The following RAP1GAP variants were observed in gnomAD, a reference collection of about 807,000 sequenced individuals.
RAP1GAP encodes the protein RAP1 GTPase activating protein, also known as rap1 GTPase-activating protein 1.
In RAP1GAP, 35 loss-of-function variants were observed where a neutral mutation model predicts 87.2. That is an observed-to-expected ratio of 0.40 (90% CI 0.31 to 0.53). The LOEUF is 0.53. Among genes scored for constraint, RAP1GAP ranks in the 20% least tolerant of loss-of-function variants. The pLI is 0.48. For missense variants in RAP1GAP, 734 were observed against 898.9 expected, an observed-to-expected ratio of 0.82 and a Z score of 2.35; for synonymous variants, 375 against 363.9, an observed-to-expected ratio of 1.03 and a Z score of -0.35.
chr1:21,648,554 AG>A (rs1193115955), intron 2 of RAP1GAP, among the ~76,000 whole-genome samples: 1 of 37,002 alleles, frequency 2.7e-5, no homozygotes, highest in East Asian at 3.5e-3. Flanking sequence ...GAGTTACATG[AG>A]ATAACACGTC....
chr1:21,617,014 C>A (rs554519708), intron 7 of RAP1GAP, among the ~76,000 whole-genome samples: 1 of 152,202 alleles, frequency 6.6e-6, no homozygotes, highest in African/African-American at 2.4e-5. Flanking sequence ...GCGATTTACC[C>A]GATGTCCTGT....
At chr1:21,608,708 C>CTCG in intron 16 of RAP1GAP, 142 bp downstream of exon 16, 1 of 826,722 alleles carries the variant, frequency 1.2e-6, no homozygotes, top group Non-Finnish European at 2.0e-6. Context: ...CGACCTCCTA[C>CTCG]TCGTCCATCA....
intron 1 of RAP1GAP, among the ~76,000 whole-genome samples, chr1:21,659,578 C>A (rs375995746): frequency 6.6e-6 from 1 of 152,194 alleles, no homozygotes; most frequent in East Asian, 1.9e-4. Flanking sequence ...TCTCTCGGTG[C>A]GCAGATCACG....
chr1:21,653,940 G>C, intron 1 of RAP1GAP, among the ~76,000 whole-genome samples: 1 of 152,188 alleles, frequency 6.6e-6, no homozygotes, highest in Non-Finnish European at 1.5e-5. Context: ...AGCCAGGCCT[G>C]GCCCCCGGGA....
intron 2 of RAP1GAP, among the ~76,000 whole-genome samples, chr1:21,635,370 C>G (rs1276222613): frequency 1.3e-5 from 2 of 152,328 alleles, no homozygotes; most frequent in Non-Finnish European, 2.9e-5. Flanking sequence ...CATCTACCCA[C>G]TCCCCCATCT....
chr1:21,635,645 G>A (rs2094558887), intron 2 of RAP1GAP, among the ~76,000 whole-genome samples: 1 of 152,234 alleles, frequency 6.6e-6, no homozygotes, highest in African/African-American at 2.4e-5. Flanking sequence ...TGGGGTTGCT[G>A]CCTCATAGGC....
At chr1:21,645,712 C>T (rs1180161419) in intron 2 of RAP1GAP, among the ~76,000 whole-genome samples, 3 of 152,164 alleles carry the variant, frequency 2.0e-5, no homozygotes, top group Non-Finnish European at 4.4e-5. Flanking sequence ...CTCCCCCATC[C>T]CATACACTGC....
Position 21,642,486 on chromosome 1 carries a change from C to T in RAP1GAP, c.-113+7275G>A, listed in dbSNP as rs1295329070. Among the ~76,000 whole-genome samples, 7 of 152,136 alleles carry T rather than the reference C, an allele frequency of 4.6e-5. No individual in the cohort carries two copies. In the East Asian group the frequency reaches 5.8e-4, roughly 13 times the overall value. ...AGAAGTCACCCAGCCAGCTGGTGGC[C>T]GAGACAGCATCTGCGGTCCCAGCCC... is the stretch of plus-strand genomic sequence containing the variant. On this transcript the variant is annotated intron_variant, in intron 2 of 24. Coordinates refer to ENST00000374765, the MANE Select transcript of RAP1GAP (RefSeq NM_002885.4).
chr1:21,615,364 T>G lies in RAP1GAP; in HGVS notation c.292-1275A>C, dbSNP rs1049456192. On this transcript the variant is annotated intron_variant, in intron 7 of 24. Transcript: ENST00000374765. The surrounding 1 kb of genome is among the most constrained non-coding windows in gnomAD (Gnocchi z 4.5). ...TGCCAGCCCTGGGGCTTCTCCCTCA[T>G]TACTGCTAATCTGATCCTGGACATG... Among the ~76,000 whole-genome samples, 2 of 152,060 alleles carry G rather than the reference T, an allele frequency of 1.3e-5. No individual in the cohort carries two copies. Among genetic ancestry groups the G allele is most frequent in the African/African-American group, 2.4e-5 (1 of 41,398 alleles).
rs529745938 is a variant in RAP1GAP, at chr1:21,665,664, G to A, written c.-149+3590C>T. Among the ~76,000 whole-genome samples the A allele has an allele frequency of 3.3e-5, 5 of 152,196 alleles. No homozygotes were observed. The South Asian group carries it at 1.0e-3, about 32-fold the overall frequency. ...GAGTCACCACCTGCCTGACAGTGCT[G>A]GTCTTTAGCCCTAAATATAGAGCAC... is the stretch of plus-strand genomic sequence containing the variant. On this transcript the variant is annotated intron_variant, in intron 1 of 24. Transcript: ENST00000374765.
rs908099520 is a variant in RAP1GAP, at chr1:21,617,293, G to A, written c.291+13C>T. On this transcript the variant is annotated intron_variant, in intron 7 of 24. Transcript: ENST00000374765. ...CACCCCAGCCAGCCCCGCTGCACCA[G>A]CCGGCCACCCACCTTGCCGAGAAAG... The A allele has an allele frequency of 7.1e-6, 11 of 1,558,394 alleles. No individual in the cohort carries two copies. Among genetic ancestry groups the A allele is most frequent in the Admixed American group, 3.9e-5 (2 of 51,506 alleles).
chr1:21,639,799 A>T (rs1287281158), intron 2 of RAP1GAP, among the ~76,000 whole-genome samples: 1 of 152,078 alleles, frequency 6.6e-6, no homozygotes, highest in Non-Finnish European at 1.5e-5. Flanking sequence ...TTTTCCTGGG[A>T]GTCGGCACCG....
At chr1:21,651,422 A>G (rs759922053) in intron 1 of RAP1GAP, 6 of 563,870 alleles carry the variant, frequency 1.1e-5, no homozygotes, top group Non-Finnish European at 2.1e-5. Context: ...GCACACACGC[A>G]TGCACACACA....
rs2094367067 is a variant in RAP1GAP, at chr1:21,634,452, G to A, written c.-112-8055C>T. Among the ~76,000 whole-genome samples the A allele has an allele frequency of 6.6e-6, 1 of 152,226 alleles. No homozygotes were observed. Among genetic ancestry groups the A allele is most frequent in the South Asian group, 2.1e-4 (1 of 4,830 alleles). On this transcript the variant is annotated intron_variant, in intron 2 of 24. Coordinates refer to ENST00000374765, the MANE Select transcript of RAP1GAP (RefSeq NM_002885.4). This position sits in a 1 kb window ranked among gnomAD's most constrained non-coding sequence, Gnocchi z 4.1. ...TCTTCACCCATTTCAGAGATAAGGAGGCAGAGGCTTAGTGAGGTTTATGAT... is the reference window on the plus strand; with the variant it reads ...TCTTCACCCATTTCAGAGATAAGGAAGCAGAGGCTTAGTGAGGTTTATGAT...
Position 21,613,113 on chromosome 1 carries a change from T to C in RAP1GAP, c.528+63A>G, listed in dbSNP as rs1391631900. ...TATCTGGCACACAGAAGGTGCTTAA[T>C]AAATGCTCAGTCTTCCAGTTACTCA... On this transcript the variant is annotated intron_variant, in intron 10 of 24. Transcript: ENST00000374765. This position sits in a 1 kb window ranked among gnomAD's most constrained non-coding sequence, Gnocchi z 4.7. The C allele has an allele frequency of 1.4e-6, 2 of 1,478,170 alleles. No homozygotes were observed. Among genetic ancestry groups the C allele is most frequent in the Non-Finnish European group, 1.9e-6 (2 of 1,056,910 alleles). The allele number at this position is 1,478,170 out of a possible 1,614,324, so 91.6% of individuals were successfully genotyped here. A position where few individuals can be genotyped will look rare whatever the true frequency, so the allele number is the denominator to read the frequency against.
intron 1 of RAP1GAP, among the ~76,000 whole-genome samples, chr1:21,653,582 TCCTTCCTTCCTC>T (rs752493512): frequency 0.026 from 3,423 of 131,756 alleles, 55 homozygotes; most frequent in Middle Eastern, 0.035. Flanking sequence ...CTTCCTTCCT[TCCTTCCTTCCTC>T]CCTCCCTCCC....
At chr1:21,623,277 C>T (rs763745730) in intron 3 of RAP1GAP, among the ~76,000 whole-genome samples, 38 of 152,200 alleles carry the variant, frequency 2.5e-4, no homozygotes, top group Admixed American at 1.4e-3. Flanking sequence ...TGAGTGAGTC[C>T]CTGCCTCCTC....
Position 21,603,739 on chromosome 1 carries a change from A to AG in RAP1GAP, c.1429-827dup. The AG allele has an allele frequency of 7.4e-7, 1 of 1,357,992 alleles. No homozygotes were observed. Among genetic ancestry groups the AG allele is most frequent in the Non-Finnish European group, 1.1e-6 (1 of 950,802 alleles). The allele number at this position is 1,357,992 out of a possible 1,614,324, so 84.1% of individuals were successfully genotyped here. ...GCCCTGGGGCCTGTCCCGGGGGCAG[A>AG]GGGGCAACGTCCCCAATATGGCCTC... On this transcript the variant is annotated intron_variant, in intron 18 of 24. Transcript: ENST00000374765. This position sits in a 1 kb window ranked among gnomAD's most constrained non-coding sequence, Gnocchi z 6.0.
intron 18 of RAP1GAP, chr1:21,604,039 A>G: frequency 1.3e-6 from 1 of 764,914 alleles, no homozygotes; most frequent in South Asian, 1.9e-5. Context: ...AGACAGAAAA[A>G]GGAAGAGAAC....
Sources: allele counts gnomAD v4.1 joint callset (sites outside exome capture counted in the v4.1 genomes callset), GRCh38; gene constraint gnomAD v4.1.1; non-coding constraint Gnocchi (gnomAD v3.1); transcripts MANE v1.5; gene names NCBI Gene and HGNC (gene_info 2026-07-23, HGNC 2026-07-21).